The following NRXN1 variants were observed in gnomAD, a reference collection of about 807,000 sequenced individuals.
The protein encoded by NRXN1 is neurexin 1.
Under a neutral mutation model 150.9 loss-of-function variants are expected in NRXN1, and 39 were observed. The ratio of observed to expected loss-of-function variants is 0.26; its 90% CI spans 0.20 to 0.34. NRXN1 has a LOEUF of 0.34. Ranked by LOEUF, NRXN1 falls within the 10% of genes least tolerant of loss-of-function variation. The pLI, the probability that NRXN1 is intolerant of heterozygous loss-of-function variation, is 1.00. For missense variants in NRXN1, 1,815 were observed against 1,949.9 expected, an observed-to-expected ratio of 0.93 and a Z score of 1.30; for synonymous variants, 924 against 757.0, an observed-to-expected ratio of 1.22 and a Z score of -3.62.
chr2:50,113,186 C>A (rs529207510), intron 18 of NRXN1, among the ~76,000 whole-genome samples: 1 of 152,180 alleles, frequency 6.6e-6, no homozygotes, highest in East Asian at 1.9e-4. Flanking sequence ...ACAGTAGGTA[C>A]TTAATAAATG....
intron 5 of NRXN1, among the ~76,000 whole-genome samples, chr2:50,668,432 C>A (rs1414631639): frequency 1.3e-5 from 2 of 151,718 alleles, no homozygotes; most frequent in Non-Finnish European, 2.9e-5. Flanking sequence ...ATATTGGTAT[C>A]CATAAGTTAT....
intron 17 of NRXN1, among the ~76,000 whole-genome samples, chr2:50,430,563 C>T (rs1041098801): frequency 6.6e-6 from 1 of 152,136 alleles, no homozygotes; most frequent in African/African-American, 2.4e-5. Context: ...AGTTTATGTA[C>T]TTGCAGCTAC....
In NRXN1 at chr2:51,005,408, C is replaced by T. The variant is rs117718830; in HGVS notation, c.772+22094G>A. 4.8e-3 allele frequency among the ~76,000 whole-genome samples: 728 copies of T among 152,070 alleles called. 26 individuals carry two copies. The East Asian group carries it at 0.059, about 12-fold the overall frequency. ...GCATATCCATCAGTTCAAACCTTAT[C>T]ATTTCTTTGTGCTGGGAACATTCAG... On this transcript the variant is annotated intron_variant, in intron 2 of 22. Coordinates refer to ENST00000401669, the MANE Select transcript of NRXN1 (RefSeq NM_001330078.2).
At chr2:51,004,238 G>C (rs530029195) in intron 2 of NRXN1, among the ~76,000 whole-genome samples, 1 of 152,022 alleles carries the variant, frequency 6.6e-6, no homozygotes, top group South Asian at 2.1e-4. Context: ...TCATGACAAA[G>C]GGCAACCTGA....
chr2:50,429,256 C>T (rs1558716468), intron 17 of NRXN1, among the ~76,000 whole-genome samples: 1 of 151,514 alleles, frequency 6.6e-6, no homozygotes. Flanking sequence ...AAAAAAAATA[C>T]TTTTTTTTCT....
At chr2:50,937,949 T>C (rs529831419) in intron 2 of NRXN1, among the ~76,000 whole-genome samples, 1 of 152,308 alleles carries the variant, frequency 6.6e-6, no homozygotes, top group East Asian at 1.9e-4. Context: ...CTATCTGGTA[T>C]AGCTTATTGC....
intron 10 of NRXN1, 67 bp from the exon 11 acceptor site, chr2:50,531,497 A>C: frequency 8.2e-7 from 1 of 1,223,610 alleles, no homozygotes. Context: ...TAAAGAGGAA[A>C]AGGATCATTT....
At chr2:50,851,399 GT>G (rs1476595938) in intron 5 of NRXN1, among the ~76,000 whole-genome samples, 96 of 152,206 alleles carry the variant, frequency 6.3e-4, no homozygotes, top group Non-Finnish European at 2.5e-4. Context: ...GTGTTTTAAG[GT>G]TTTCATAATT....
chr2:50,664,100 T>C lies in NRXN1; in HGVS notation c.833-40485A>G, dbSNP rs183092107. ...TCCTCTAGGAGCTTACAGTCTATTATGGCAGACAGACGACAAATGCACAAT... is the reference window on the plus strand; with the variant it reads ...TCCTCTAGGAGCTTACAGTCTATTACGGCAGACAGACGACAAATGCACAAT... On this transcript the variant is annotated intron_variant, in intron 5 of 22. Coordinates refer to ENST00000401669, the MANE Select transcript of NRXN1 (RefSeq NM_001330078.2). Among the ~76,000 whole-genome samples the C allele has an allele frequency of 2.3e-3, 351 of 152,184 alleles. 1 individual carries two copies. The highest frequency in any genetic ancestry group is 7.5e-3 in the African/African-American group (311 of 41,552).
intron 17 of NRXN1, among the ~76,000 whole-genome samples, chr2:50,404,246 TG>T (rs1181021924): frequency 6.6e-6 from 1 of 152,086 alleles, no homozygotes; most frequent in Non-Finnish European, 1.5e-5. Context: ...AAGACTTTAA[TG>T]CCAGTGCTTC....
chr2:50,835,713 T>A (rs1214101540), intron 5 of NRXN1, among the ~76,000 whole-genome samples: 2 of 152,184 alleles, frequency 1.3e-5, no homozygotes, highest in East Asian at 3.9e-4. Flanking sequence ...GCTAAAAGAA[T>A]CAACATAATC....
At chr2:50,325,477 A>G (rs2076328590) in intron 17 of NRXN1, among the ~76,000 whole-genome samples, 1 of 152,220 alleles carries the variant, frequency 6.6e-6, no homozygotes, top group Admixed American at 6.5e-5. Context: ...AGCAGTTTAC[A>G]TATCCACTGG....
chr2:50,574,942 C>A (rs532164223), intron 8 of NRXN1, among the ~76,000 whole-genome samples: 1 of 152,184 alleles, frequency 6.6e-6, no homozygotes, highest in Non-Finnish European at 1.5e-5. Flanking sequence ...CACCACACAA[C>A]GTCCCCCAGC....
intron 18 of NRXN1, among the ~76,000 whole-genome samples, chr2:50,167,971 G>T (rs535814603): frequency 6.6e-6 from 1 of 151,990 alleles, no homozygotes; most frequent in Non-Finnish European, 1.5e-5. Context: ...ATGCATATTT[G>T]CTCTGAAATA....
intron 17 of NRXN1, among the ~76,000 whole-genome samples, chr2:50,459,687 C>A (rs2087962112): frequency 6.6e-6 from 1 of 151,888 alleles, no homozygotes; most frequent in Non-Finnish European, 1.5e-5. Flanking sequence ...GTATATGTAC[C>A]ACATTTTCTT....
chr2:50,679,222 C>T (rs1689997919), intron 5 of NRXN1, among the ~76,000 whole-genome samples: 2 of 152,026 alleles, frequency 1.3e-5, no homozygotes, highest in Non-Finnish European at 2.9e-5. Flanking sequence ...CAAGTAGGGA[C>T]TCCAGGTGAT....
At chr2:50,167,707 A>G (rs1012082502) in intron 18 of NRXN1, among the ~76,000 whole-genome samples, 1 of 152,174 alleles carries the variant, frequency 6.6e-6, no homozygotes, top group East Asian at 1.9e-4. Flanking sequence ...ACTGTACACT[A>G]GAGTTAACTA....
intron 15 of NRXN1, among the ~76,000 whole-genome samples, chr2:50,488,813 T>A (rs959582339): frequency 2.6e-5 from 4 of 152,184 alleles, no homozygotes; most frequent in Admixed American, 6.5e-5. Flanking sequence ...ATATCTGCCT[T>A]CTCAGATGGC....
At position 49,924,041 on chromosome 2, in the gene NRXN1, C is replaced by G. The variant is rs565036835; in HGVS notation, c.4217-1790G>C. On this transcript the variant is annotated intron_variant, in intron 22 of 22. Transcript: ENST00000401669. ...AAGAATAGAATCTACTGCAGTAACT[C>G]TGTCACTACCTGACAAACCAAAGGC... Among the ~76,000 whole-genome samples, 15 of 152,350 alleles carry G rather than the reference C, an allele frequency of 9.8e-5. 1 individual carries two copies. In the South Asian group the frequency reaches 2.9e-3, roughly 29 times the overall value.
Sources: gnomAD v4.1 joint callset for allele counts (sites outside exome capture counted in the v4.1 genomes callset) on GRCh38, gnomAD v4.1.1 for gene constraint, MANE v1.5 for transcripts, NCBI Gene and HGNC (gene_info 2026-07-23, HGNC 2026-07-21) for gene names.